SLC1A2: variants seen among roughly 807,000 people sequenced by gnomAD.
SLC1A2 encodes solute carrier family 1 member 2, also known as excitatory amino acid transporter 2.
SLC1A2 carries 15 observed loss-of-function variants against 48.8 expected under a neutral mutation model. The observed-to-expected ratio is 0.31, with a 90% CI of 0.21 to 0.47. The LOEUF is 0.47. Among genes scored for constraint, SLC1A2 ranks in the 20% least tolerant of loss-of-function variants. SLC1A2 has a pLI of 0.99. For synonymous variants in SLC1A2, 279 were observed against 272.6 expected (o/e 1.02, Z -0.23); for missense variants, 502 against 730.5 (o/e 0.69, Z 3.61).
At chr11:35,335,574 T>C (rs974910651) in intron 1 of SLC1A2, among the ~76,000 whole-genome samples, 3 of 152,200 alleles carry the variant, frequency 2.0e-5, no homozygotes, top group Non-Finnish European at 4.4e-5. Context: ...ATTTGAGATT[T>C]TCCTTTGAAT....
chr11:35,301,882 C>T (rs1441147327), intron 5 of SLC1A2, among the ~76,000 whole-genome samples: 2 of 152,186 alleles, frequency 1.3e-5, no homozygotes. Flanking sequence ...AGCATTAGGT[C>T]CTTGAAGAAA....
At chr11:35,276,725 C>T (rs558635688) in intron 9 of SLC1A2, among the ~76,000 whole-genome samples, 2 of 152,314 alleles carry the variant, frequency 1.3e-5, no homozygotes, top group Admixed American at 1.3e-4. Flanking sequence ...GGCTGGAAGA[C>T]TTGAATTCTA....
intron 1 of SLC1A2, among the ~76,000 whole-genome samples, chr11:35,412,015 T>G (rs1323053408): frequency 6.8e-6 from 1 of 147,408 alleles, no homozygotes; most frequent in Non-Finnish European, 1.5e-5. Flanking sequence ...TTTCTTTGAA[T>G]GAAATTATTG....
chr11:35,408,357 A>T (rs370511535), intron 1 of SLC1A2, among the ~76,000 whole-genome samples: 7 of 152,176 alleles, frequency 4.6e-5, no homozygotes, highest in African/African-American at 1.7e-4. Flanking sequence ...CAGAATTCCC[A>T]TGTGCTGTGG....
chr11:35,336,965 A>G (rs1414611966), intron 1 of SLC1A2, among the ~76,000 whole-genome samples: 1 of 152,210 alleles, frequency 6.6e-6, no homozygotes, highest in Non-Finnish European at 1.5e-5. Flanking sequence ...AGCAGATTCC[A>G]CAACATTTTT....
chr11:35,343,902 G>T (rs1852934168), intron 1 of SLC1A2, among the ~76,000 whole-genome samples: 1 of 151,938 alleles, frequency 6.6e-6, no homozygotes, highest in South Asian at 2.1e-4. Context: ...TGATGTACAA[G>T]CATTGTGAAA....
chr11:35,328,757 C>T (rs1481196127), intron 1 of SLC1A2, among the ~76,000 whole-genome samples: 1 of 152,164 alleles, frequency 6.6e-6, no homozygotes, highest in African/African-American at 2.4e-5. Context: ...AACACCTAGT[C>T]CAAACCAGAG....
At chr11:35,268,857 C>T (rs114560132) in intron 9 of SLC1A2, among the ~76,000 whole-genome samples, 147 of 152,212 alleles carry the variant, frequency 9.7e-4, no homozygotes, top group Middle Eastern at 3.4e-3. Context: ...TGAACACAGG[C>T]GGTACCATTC....
intron 1 of SLC1A2, among the ~76,000 whole-genome samples, chr11:35,348,194 A>C (rs1402777489): frequency 6.6e-6 from 1 of 152,052 alleles, no homozygotes; most frequent in Non-Finnish European, 1.5e-5. Flanking sequence ...AGGCCTGTCA[A>C]CTGGTGCAAT....
intron 1 of SLC1A2, among the ~76,000 whole-genome samples, chr11:35,401,742 G>C (rs1267475377): frequency 1.3e-5 from 2 of 152,062 alleles, no homozygotes; most frequent in Non-Finnish European, 2.9e-5. Flanking sequence ...CCTGCTGATT[G>C]TAACATTCTG....
At chr11:35,308,342 G>A (rs1851578253) in intron 4 of SLC1A2, among the ~76,000 whole-genome samples, 1 of 152,150 alleles carries the variant, frequency 6.6e-6, no homozygotes, top group South Asian at 2.1e-4. Context: ...TGAGGAGATA[G>A]GAACACGAAC....
chr11:35,378,823 A>G (rs1854325695), intron 1 of SLC1A2, among the ~76,000 whole-genome samples: 2 of 152,270 alleles, frequency 1.3e-5, no homozygotes, highest in African/African-American at 4.8e-5. Flanking sequence ...ATACCTGGCC[A>G]GATTGGCAAG....
At chr11:35,317,810 C>T (rs1468975214) in intron 1 of SLC1A2, among the ~76,000 whole-genome samples, 1 of 152,194 alleles carries the variant, frequency 6.6e-6, no homozygotes, top group African/African-American at 2.4e-5. Context: ...AGAGCCTTTA[C>T]TTGAGTCTTG....
chr11:35,291,122 G>A (rs1347495038), intron 7 of SLC1A2, among the ~76,000 whole-genome samples: 1 of 152,192 alleles, frequency 6.6e-6, no homozygotes, highest in African/African-American at 2.4e-5. Flanking sequence ...TTCAGAATTT[G>A]CTTGCCTCCC....
chr11:35,293,856 G>A (rs778956458), intron 6 of SLC1A2, among the ~76,000 whole-genome samples: 6 of 152,142 alleles, frequency 3.9e-5, no homozygotes, highest in Non-Finnish European at 5.9e-5. Flanking sequence ...CATGGAGCTC[G>A]TCTCACCACT....
intron 1 of SLC1A2, among the ~76,000 whole-genome samples, chr11:35,413,232 C>A (rs1415192252): frequency 6.6e-6 from 1 of 152,120 alleles, no homozygotes; most frequent in Non-Finnish European, 1.5e-5. Flanking sequence ...TTCCTCAGCC[C>A]CAGTTAACCC....
intron 1 of SLC1A2, among the ~76,000 whole-genome samples, chr11:35,366,775 C>A (rs1853864552): frequency 6.6e-6 from 1 of 152,148 alleles, no homozygotes; most frequent in African/African-American, 2.4e-5. Context: ...TAGGAAGTTC[C>A]CCATGGTTCT....
intron 1 of SLC1A2, among the ~76,000 whole-genome samples, chr11:35,407,715 A>G (rs1855342146): frequency 6.6e-6 from 1 of 152,104 alleles, no homozygotes; most frequent in African/African-American, 2.4e-5. Flanking sequence ...TGACCTCTCC[A>G]TAGCATGCAG....
chr11:35,327,485 C>T (rs1375223054), intron 1 of SLC1A2, among the ~76,000 whole-genome samples: 1 of 152,188 alleles, frequency 6.6e-6, no homozygotes. Context: ...AGTGACCTCA[C>T]TGGCCAAAGA....
Sources: allele counts gnomAD v4.1 joint callset (sites outside exome capture counted in the v4.1 genomes callset), GRCh38; gene constraint gnomAD v4.1.1; transcripts MANE v1.5; gene names NCBI Gene and HGNC (gene_info 2026-07-23, HGNC 2026-07-21).